Variants in CCSER1 observed in about 807,000 individuals in gnomAD.
The protein encoded by CCSER1 is coiled-coil serine rich protein 1.
In CCSER1, 41 loss-of-function variants were observed where a neutral mutation model predicts 82.0. The ratio of observed to expected loss-of-function variants is 0.50; its 90% CI spans 0.39 to 0.65. The LOEUF is 0.65. CCSER1 is among the 30% of genes least tolerant of loss of function. The pLI, the probability that CCSER1 is intolerant of heterozygous loss-of-function variation, is 0.00. For missense variants in CCSER1, 1,119 were observed against 1,064.2 expected (o/e 1.05, Z -0.72); for synonymous variants, 414 against 383.9 (o/e 1.08, Z -0.92).
At chr4:91,026,374 T>C (rs1740491305) in intron 9 of CCSER1, among the ~76,000 whole-genome samples, 2 of 152,088 alleles carry the variant, frequency 1.3e-5, no homozygotes, top group South Asian at 4.1e-4. Context: ...CCTTAATAAA[T>C]TGAAGCGCTA....
chr4:90,645,898 G>A (rs186606971), intron 6 of CCSER1, among the ~76,000 whole-genome samples: 10 of 152,148 alleles, frequency 6.6e-5, no homozygotes, highest in Non-Finnish European at 1.5e-4. Flanking sequence ...AAATACCACC[G>A]GAAAGATAAT....
chr4:91,040,622 G>A lies in CCSER1; in HGVS notation c.2173-45328G>A, dbSNP rs565208362. Among the ~76,000 whole-genome samples, 4 of 152,280 alleles carry A rather than the reference G, an allele frequency of 2.6e-5. No individual in the cohort carries two copies. In the South Asian group the frequency reaches 6.2e-4, roughly 24 times the overall value. On this transcript the variant is annotated intron_variant, in intron 9 of 10. Coordinates refer to ENST00000509176, the MANE Select transcript of CCSER1 (RefSeq NM_001145065.2). Reference sequence around the variant, plus strand: ...GATGTGCAAGCCAGGCTGTGTTGAGGCTCATCAGTGGGATGTTTAGAGCAG... The same window carrying A: ...GATGTGCAAGCCAGGCTGTGTTGAGACTCATCAGTGGGATGTTTAGAGCAG...
chr4:90,487,398 G>T (rs1767275579), intron 5 of CCSER1, among the ~76,000 whole-genome samples: 2 of 152,198 alleles, frequency 1.3e-5, no homozygotes, highest in Admixed American at 6.5e-5. Context: ...ACAATCATAA[G>T]TGCACTTCCC....
intron 10 of CCSER1, among the ~76,000 whole-genome samples, chr4:91,196,331 A>G (rs893016415): frequency 1.3e-5 from 2 of 152,096 alleles, no homozygotes; most frequent in Admixed American, 1.3e-4. Flanking sequence ...TAAAAACTTA[A>G]GAGACACTCT....
chr4:91,127,185 A>G (rs1230910489), intron 10 of CCSER1, among the ~76,000 whole-genome samples: 1 of 152,042 alleles, frequency 6.6e-6, no homozygotes, highest in African/African-American at 2.4e-5. Context: ...ATACTCCACA[A>G]ATCCCTGTGA....
At chr4:90,768,875 G>T (rs1386356395) in intron 7 of CCSER1, among the ~76,000 whole-genome samples, 1 of 152,156 alleles carries the variant, frequency 6.6e-6, no homozygotes, top group Non-Finnish European at 1.5e-5. Context: ...AGGAAGGATT[G>T]TTAACCAAAG....
rs1438072458 is a variant in CCSER1 at position 90,391,485 on chromosome 4, T to TATATACATAC, written c.1510-8550_1510-8549insTATACATACA. Among the ~76,000 whole-genome samples, 3 of 76,652 alleles carry TATATACATAC rather than the reference T, an allele frequency of 3.9e-5. No individual in the cohort carries two copies. In the Admixed American group the frequency reaches 4.4e-4, roughly 11 times the overall value. The allele number at this position is 76,652 out of a possible 152,430, so 50.3% of individuals were successfully genotyped here. On this transcript the variant is annotated intron_variant, in intron 3 of 10. Transcript: ENST00000509176. ...ATATATATATATATATATATATATA[T>TATATACATAC]ACACACACACAGTGGGTAAATATAT...
intron 10 of CCSER1, among the ~76,000 whole-genome samples, chr4:91,279,614 C>T (rs189222489): frequency 6.6e-6 from 1 of 152,108 alleles, no homozygotes; most frequent in East Asian, 1.9e-4. Context: ...TGATATCTAT[C>T]TCTTTGGTAA....
intron 9 of CCSER1, among the ~76,000 whole-genome samples, chr4:90,964,480 CTTT>C (rs1389185400): frequency 6.6e-6 from 1 of 151,156 alleles, no homozygotes; most frequent in Non-Finnish European, 1.5e-5. Context: ...TAATCCCACA[CTTT>C]GGGAGGCCAA....
chr4:91,060,451 A>G (rs1322430628), intron 9 of CCSER1, among the ~76,000 whole-genome samples: 1 of 152,062 alleles, frequency 6.6e-6, no homozygotes, highest in Admixed American at 6.6e-5. Flanking sequence ...TAAAAGTAGA[A>G]GAATGCATTT....
intron 8 of CCSER1, among the ~76,000 whole-genome samples, chr4:90,902,786 G>C (rs6830366): frequency 2.0e-5 from 3 of 151,796 alleles, no homozygotes; most frequent in Non-Finnish European, 1.5e-5. Flanking sequence ...AGTAACATCT[G>C]TCTTGCCCTC....
chr4:90,724,497 G>A (rs1055673805), intron 7 of CCSER1, among the ~76,000 whole-genome samples: 2 of 151,670 alleles, frequency 1.3e-5, no homozygotes, highest in African/African-American at 4.8e-5. Context: ...ATAAGTATGT[G>A]GTATGACTGG....
intron 5 of CCSER1, among the ~76,000 whole-genome samples, chr4:90,616,713 A>G (rs1012268340): frequency 1.6e-5 from 2 of 125,456 alleles, no homozygotes; most frequent in African/African-American, 7.3e-5. Flanking sequence ...ACACACACAC[A>G]CACACACACA....
At chr4:90,752,835 C>G (rs1330896711) in intron 7 of CCSER1, among the ~76,000 whole-genome samples, 1 of 152,040 alleles carries the variant, frequency 6.6e-6, no homozygotes. Context: ...CAGGAATCTC[C>G]AAATTGATAA....
Position 91,010,541 on chromosome 4 carries a change from T to C in CCSER1, c.2173-75409T>C, listed in dbSNP as rs1738925828. Among the ~76,000 whole-genome samples, 2 of 134,752 alleles carry C rather than the reference T, an allele frequency of 1.5e-5. 1 individual carries two copies. Among genetic ancestry groups the C allele is most frequent in the South Asian group, 4.8e-4 (2 of 4,192 alleles). 88.4% of individuals were successfully genotyped at this position (134,752 alleles called of 152,430 possible). A position where few individuals can be genotyped will look rare whatever the true frequency, so the allele number is the denominator to read the frequency against. On this transcript the variant is annotated intron_variant, in intron 9 of 10. Transcript: ENST00000509176. ...GACGCTTTCCTTTCTGGAAATCCCA[T>C]AATATTGTTTGTTTACTTAATGGTG...
At chr4:91,361,164 G>A (rs1560611918) in intron 10 of CCSER1, among the ~76,000 whole-genome samples, 1 of 151,742 alleles carries the variant, frequency 6.6e-6, no homozygotes, top group South Asian at 2.1e-4. Context: ...ATTAGCTAAA[G>A]GATGTGTTTT....
intron 7 of CCSER1, among the ~76,000 whole-genome samples, chr4:90,752,841 G>C (rs887720501): frequency 6.6e-6 from 1 of 151,934 alleles, no homozygotes; most frequent in Non-Finnish European, 1.5e-5. Context: ...TCTCCAAATT[G>C]ATAAAAACCA....
intron 9 of CCSER1, among the ~76,000 whole-genome samples, chr4:90,965,648 A>G (rs1204731871): frequency 6.6e-6 from 1 of 152,178 alleles, no homozygotes; most frequent in African/African-American, 2.4e-5. Context: ...TTCATTAAAA[A>G]AAGATGACAC....
At chr4:90,619,090 C>T (rs1721825076) in intron 5 of CCSER1, among the ~76,000 whole-genome samples, 1 of 151,640 alleles carries the variant, frequency 6.6e-6, no homozygotes, top group African/African-American at 2.4e-5. Context: ...AAAATTATTT[C>T]CCTTTTTAGA....
Sources: gnomAD v4.1 joint callset for allele counts (sites outside exome capture counted in the v4.1 genomes callset) on GRCh38, gnomAD v4.1.1 for gene constraint, MANE v1.5 for transcripts, NCBI Gene and HGNC (gene_info 2026-07-23, HGNC 2026-07-21) for gene names.